The following INSC variants were observed in gnomAD, a reference collection of about 807,000 sequenced individuals.
INSC encodes protein inscuteable homolog.
In INSC, 67 loss-of-function variants were observed where a neutral mutation model predicts 58.6. The observed-to-expected ratio is 1.14, with a 90% CI of 0.94 to 1.40. The LOEUF (loss-of-function observed/expected upper bound fraction) is 1.40. Among genes scored for constraint, INSC ranks in the 40% most tolerant of loss-of-function variants. The pLI, the probability that INSC is intolerant of heterozygous loss-of-function variation, is 0.00. For missense variants in INSC, 714 were observed against 692.0 expected, an observed-to-expected ratio of 1.03 and a Z score of -0.36; for synonymous variants, 262 against 276.1, an observed-to-expected ratio of 0.95 and a Z score of 0.51.
chr11:15,206,667 C>T (rs1048536975), intron 7 of INSC, among the ~76,000 whole-genome samples: 1 of 152,058 alleles, frequency 6.6e-6, no homozygotes, highest in Admixed American at 6.6e-5. Flanking sequence ...ACTGGCATTA[C>T]CAAGGGGGAG....
chr11:15,187,516 G>A (rs1850013414), intron 5 of INSC, among the ~76,000 whole-genome samples: 1 of 152,120 alleles, frequency 6.6e-6, no homozygotes, highest in Non-Finnish European at 1.5e-5. Context: ...TCCTTCTGAG[G>A]AACTCATGCC....
intron 1 of INSC, among the ~76,000 whole-genome samples, chr11:15,144,925 C>T (rs1031413121): frequency 1.3e-4 from 20 of 152,192 alleles, no homozygotes; most frequent in Admixed American, 4.6e-4. Context: ...CTAGTCACTT[C>T]TGGTGGGAGC....
intron 2 of INSC, among the ~76,000 whole-genome samples, chr11:15,167,778 C>T (rs987986012): frequency 2.6e-5 from 4 of 152,164 alleles, no homozygotes; most frequent in African/African-American, 9.7e-5. Context: ...GACATCACAC[C>T]TGGCTTAAGC....
At chr11:15,158,538 A>T (rs80305551) in intron 2 of INSC, among the ~76,000 whole-genome samples, 7 of 152,046 alleles carry the variant, frequency 4.6e-5, no homozygotes, top group African/African-American at 1.5e-4. Context: ...TCCCAGGCGA[A>T]GTCAGGCCCT....
rs1328953962 is a variant in INSC at position 15,235,583 on chromosome 11, T to C, written c.1171-19T>C. The C allele has an allele frequency of 6.2e-6, 10 of 1,607,668 alleles. No homozygotes were observed. Among genetic ancestry groups the C allele is most frequent in the Non-Finnish European group, 8.5e-6 (10 of 1,174,060 alleles). On this transcript the variant is annotated intron_variant, in intron 9 of 12. Transcript: ENST00000379556. ...TCAGGTGTGCTCATTTTCTGAGGTT[T>C]CTAAATTATCTTTTCCAGATTGTGA...
intron 1 of INSC, among the ~76,000 whole-genome samples, chr11:15,122,468 A>T (rs1847896724): frequency 6.6e-6 from 1 of 152,210 alleles, no homozygotes; most frequent in Non-Finnish European, 1.5e-5. Flanking sequence ...TCCCAGTTTG[A>T]TGCCTCAAAG....
At chr11:15,116,894 T>TCTCTCTCTCC (rs1847734334) in intron 1 of INSC, among the ~76,000 whole-genome samples, 1 of 15,406 alleles carries the variant, frequency 6.5e-5, no homozygotes, top group East Asian at 3.8e-3. Context: ...CCTCCCTCCC[T>TCTCTCTCTCC]CCCTCCCTCC....
In INSC at chr11:15,190,778, C is replaced by T. The variant is rs887926668; in HGVS notation, c.657C>T (p.Thr219=). 1 of 1,613,814 alleles carries T rather than the reference C, an allele frequency of 6.2e-7. No homozygotes were observed. Among genetic ancestry groups the T allele is most frequent in the Non-Finnish European group, 8.5e-7 (1 of 1,179,754 alleles). ...ESTTGNLFSL[T]QEGAPLCRII... is the part of the protein sequence containing the mutation. ...CCACAGGGAACCTGTTCAGCCTGAC[C>T]CAGGAGGGGGCTCCCTTGTGCCGCA... The change falls in exon 6 of 13, where the codon ACC becomes ACT. Residue 219 remains threonine (T), a synonymous_variant. Transcript: ENST00000379556.
chr11:15,263,424 T>C, the INSC span, among the ~76,000 whole-genome samples: 2 of 152,006 alleles, frequency 1.3e-5, no homozygotes, highest in African/African-American at 4.8e-5. Flanking sequence ...TGTGTAGATA[T>C]AAAAATGAGA....
In INSC at chr11:15,247,153, A is replaced by C. The variant is rs889329568; in HGVS notation, c.*1113A>C. On this transcript the variant is annotated 3_prime_UTR_variant, in exon 13 of 13. Coordinates refer to ENST00000379556, the MANE Select transcript of INSC (RefSeq NM_001042536.3). The stretch of plus-strand genomic sequence containing the variant: ...GATATAATTTATACAATATAATATA[A>C]TTGTGTAAAATCATGATTATAATAA... 2.0e-5 allele frequency: 3 copies of C among 152,112 alleles called. No individual in the cohort carries two copies. The highest frequency in any genetic ancestry group is 7.2e-5 in the African/African-American group (3 of 41,400). The allele number at this position is 152,112 out of a possible 1,614,324, so 9.4% of individuals were successfully genotyped here.
intron 6 of INSC, among the ~76,000 whole-genome samples, chr11:15,195,672 A>G (rs1005747068): frequency 2.0e-5 from 3 of 152,216 alleles, no homozygotes; most frequent in African/African-American, 7.2e-5. Context: ...TGTCAGGACC[A>G]GGCCTTAACT....
At chr11:15,194,717 G>C (rs1208121240) in intron 6 of INSC, among the ~76,000 whole-genome samples, 1 of 152,180 alleles carries the variant, frequency 6.6e-6, no homozygotes, top group Non-Finnish European at 1.5e-5. Context: ...TGAGGAAATG[G>C]TTTAAGGAGC....
rs767441140 is a variant in INSC, at chr11:15,240,449, A to T, written c.1396A>T (p.Met466Leu). The part of the protein sequence containing the change: ...VAREAVRLSC[M>L]SRLIELCRSP... ...GGCTCTCCCTGTGTCTCCTACAGGC[A>T]TGTCCCGTCTCATCGAGCTCTGCAG... Residue 466 changes from methionine to leucine, a missense_variant and splice_region_variant, in exon 12 of 13, where the codon ATG (methionine) becomes TTG (leucine). By Grantham distance (15) the Met-to-Leu change is conservative. Transcript: ENST00000379556. The T allele has an allele frequency of 1.2e-6, 2 of 1,613,788 alleles. No homozygotes were observed. The highest frequency in any genetic ancestry group is 2.2e-5 in the South Asian group (2 of 91,010).
chr11:15,259,205 C>T, the INSC span, among the ~76,000 whole-genome samples: 1 of 152,078 alleles, frequency 6.6e-6, no homozygotes, highest in African/African-American at 2.4e-5. Flanking sequence ...ATAACAAGTT[C>T]CTTTGTTTGG....
intron 5 of INSC, among the ~76,000 whole-genome samples, chr11:15,179,983 G>A (rs939567329): frequency 6.6e-6 from 1 of 152,168 alleles, no homozygotes; most frequent in Non-Finnish European, 1.5e-5. Flanking sequence ...ATGGCTGGAC[G>A]CAGTGGCTCA....
intron 9 of INSC, among the ~76,000 whole-genome samples, chr11:15,229,287 A>G (rs1197206345): frequency 2.0e-5 from 3 of 152,108 alleles, no homozygotes; most frequent in Non-Finnish European, 4.4e-5. Flanking sequence ...GAATGACTAG[A>G]TTTTGTAACA....
At chr11:15,181,450 C>T (rs1290872137) in intron 5 of INSC, among the ~76,000 whole-genome samples, 1 of 152,130 alleles carries the variant, frequency 6.6e-6, no homozygotes, top group Non-Finnish European at 1.5e-5. Context: ...GCTTTTTGGA[C>T]TCCTTCAATT....
chr11:15,245,810 T>G, intron 12 of INSC, 102 bp from the exon 13 acceptor site: 1 of 1,455,722 alleles, frequency 6.9e-7, no homozygotes, highest in Non-Finnish European at 9.3e-7. Flanking sequence ...GTCTGGTAAA[T>G]GCACCACTTT....
At chr11:15,213,678 C>CTCT (rs1487727231) in intron 7 of INSC, among the ~76,000 whole-genome samples, 1 of 152,180 alleles carries the variant, frequency 6.6e-6, no homozygotes, top group Non-Finnish European at 1.5e-5. Flanking sequence ...GCTTTCTCTG[C>CTCT]CTATATGTCT....
Sources: gnomAD v4.1 joint callset for allele counts (sites outside exome capture counted in the v4.1 genomes callset) on GRCh38, gnomAD v4.1.1 for gene constraint, MANE v1.5 for transcripts, NCBI Gene and HGNC (gene_info 2026-07-23, HGNC 2026-07-21) for gene names.